PHF3: variants seen among roughly 807,000 people sequenced by gnomAD.
PHF3 encodes the protein PHD finger protein 3.
In PHF3, 41 loss-of-function variants were observed where a neutral mutation model predicts 178.4. That is an observed-to-expected ratio of 0.23 (90% CI 0.18 to 0.30). PHF3 has a LOEUF of 0.30. Among genes scored for constraint, PHF3 ranks in the 10% least tolerant of loss-of-function variants. The pLI, the probability that PHF3 is intolerant of heterozygous loss-of-function variation, is 1.00. For missense variants in PHF3, 2,346 were observed against 2,398.1 expected (o/e 0.98, Z 0.45); for synonymous variants, 842 against 800.5 (o/e 1.05, Z -0.88).
chr6:63,703,591 A>C lies in PHF3; in HGVS notation c.3287A>C (p.Glu1096Ala), dbSNP rs1252864834. 2 of 1,613,248 alleles carry C rather than the reference A, an allele frequency of 1.2e-6. No individual in the cohort carries two copies. Among genetic ancestry groups the C allele is most frequent in the Non-Finnish European group, 1.7e-6 (2 of 1,179,706 alleles). The change falls in exon 11 of 16, where the codon GAG becomes GCG. Residue 1096 changes from glutamate (E) to alanine (A), a missense_variant. Physicochemically the swap from Glu to Ala is moderately radical, Grantham distance 107 (BLOSUM62 -1). Around this residue, in one of 8 missense-constraint regions of PHF3, gnomAD observed 205 missense variants for 212.4 expected, o/e 0.97. Coordinates refer to ENST00000262043, the MANE Select transcript of PHF3 (RefSeq NM_001370348.2). ...CCAGAAGGATCTGAAAAACAAAAAG[A>C]GGAGGTTGACTCTATGTCTAAAGAT... is the stretch of plus-strand genomic sequence containing the variant. The part of the protein sequence containing the change: ...EKPEGSEKQK[E>A]EVDSMSKDTT...
At chr6:63,663,938 A>C (rs1011614154) in intron 2 of PHF3, among the ~76,000 whole-genome samples, 1 of 152,184 alleles carries the variant, frequency 6.6e-6, no homozygotes, top group Non-Finnish European at 1.5e-5. Context: ...GTATCTTGAA[A>C]GTTGTATGTT....
At chr6:63,642,912 GT>G (rs891713436) in intron 1 of PHF3, among the ~76,000 whole-genome samples, 14 of 152,144 alleles carry the variant, frequency 9.2e-5, no homozygotes, top group East Asian at 5.8e-4. Flanking sequence ...TCTTAGATTA[GT>G]TTTTTTAAGA....
chr6:63,641,911 AGC>A (rs750224675), intron 1 of PHF3, among the ~76,000 whole-genome samples: 5 of 152,096 alleles, frequency 3.3e-5, no homozygotes, highest in Non-Finnish European at 7.4e-5. Flanking sequence ...TACAGGTGTG[AGC>A]CATGGCGCCC....
intron 6 of PHF3, among the ~76,000 whole-genome samples, chr6:63,695,627 C>G (rs1170356545): frequency 6.6e-6 from 1 of 152,024 alleles, no homozygotes; most frequent in Non-Finnish European, 1.5e-5. Flanking sequence ...TCTGGTTGCT[C>G]TGTACAGTTT....
At chr6:63,700,230 A>G in intron 8 of PHF3, 120 bp from the exon 9 acceptor site, 2 of 538,388 alleles carry the variant, frequency 3.7e-6, no homozygotes, top group East Asian at 6.1e-5. Flanking sequence ...TAGGTAATAT[A>G]TAAATAATTA....
Position 63,691,725 on chromosome 6 carries a change from T to C in PHF3, c.2190-12T>C. 6.4e-7 allele frequency: 1 copy of C among 1,550,528 alleles called. No homozygotes were observed. Among genetic ancestry groups the C allele is most frequent in the South Asian group, 1.2e-5 (1 of 82,356 alleles). ...AAAAGGGATAAAAGTTTTTTGGTGT[T>C]CTGTTTTCCAGGTTTATGGTTGGCT... On this transcript the variant is annotated splice_polypyrimidine_tract_variant and intron_variant, in intron 4 of 15. Transcript: ENST00000262043.
In PHF3 at chr6:63,711,690, C is replaced by G; in HGVS notation, c.4102C>G (p.Pro1368Ala). The G allele has an allele frequency of 6.2e-7, 1 of 1,613,898 alleles. No individual in the cohort carries two copies. Among genetic ancestry groups the G allele is most frequent in the East Asian group, 2.2e-5 (1 of 44,878 alleles). Reference sequence around the variant, plus strand: ...TAGTACTAGTCATATAGCTGAGACTCCTGAAAGTGCACCACCAATAGCATT... The same window carrying G: ...TAGTACTAGTCATATAGCTGAGACTGCTGAAAGTGCACCACCAATAGCATT... ...CASTSHIAET[P>A]ESAPPIALPP... The change falls in exon 16 of 16, where the codon CCT becomes GCT. Residue 1368 changes from proline (P) to alanine (A), a missense_variant. Physicochemically the swap from Pro to Ala is conservative, Grantham distance 27. This residue lies in a region of PHF3 where 839 missense variants were observed against 806.9 expected (regional missense o/e 1.04). Coordinates refer to ENST00000262043, the MANE Select transcript of PHF3 (RefSeq NM_001370348.2).
chr6:63,660,216 T>C (rs1044991820), intron 2 of PHF3, among the ~76,000 whole-genome samples: 2 of 152,104 alleles, frequency 1.3e-5, no homozygotes, highest in African/African-American at 4.8e-5. Flanking sequence ...CCAGTGATTT[T>C]GTTAATCTTG....
rs555361500 is a variant in PHF3, at chr6:63,718,426, A to T, written c.*4718A>T. Among the ~76,000 whole-genome samples, 1 of 152,056 alleles carries T rather than the reference A, an allele frequency of 6.6e-6. No individual in the cohort carries two copies. The highest frequency in any genetic ancestry group is 1.5e-5 in the Non-Finnish European group (1 of 67,942). On this transcript the variant is annotated 3_prime_UTR_variant, in exon 16 of 16. Transcript: ENST00000262043. ...ATTATTTAGCATACTAGAAAATCAAATGATAAACGTTAAAAATATTTGTTA... is the reference window on the plus strand; with the variant it reads ...ATTATTTAGCATACTAGAAAATCAATTGATAAACGTTAAAAATATTTGTTA...
Position 63,713,231 on chromosome 6 carries a change from G to T in PHF3, c.5643G>T (p.Pro1881=), listed in dbSNP as rs772305199. ...PLSQASRYIG[P]QNFYQVKDIR... is the part of the protein sequence containing the mutation. ...CACAAGCATCAAGGTATATAGGCCC[G>T]CAGAATTTTTACCAGGTTAAAGACA... The change falls in exon 16 of 16, where the codon CCG becomes CCT. Residue 1881 remains proline (P), a synonymous_variant. Coordinates refer to ENST00000262043, the MANE Select transcript of PHF3 (RefSeq NM_001370348.2). 1.1e-5 allele frequency: 17 copies of T among 1,613,960 alleles called. 1 individual carries two copies. Among genetic ancestry groups the T allele is most frequent in the Non-Finnish European group, 1.4e-5 (17 of 1,179,946 alleles).
rs550554796 is a variant in PHF3, at chr6:63,660,038, T to TTG, written c.244+13257_244+13258dup. Among the ~76,000 whole-genome samples, 1,092 of 152,010 alleles carry TTG rather than the reference T, an allele frequency of 7.2e-3. 4 individuals carry two copies. The highest frequency in any genetic ancestry group is 1.0e-2 in the Non-Finnish European group (679 of 67,928). ...GCAAGATTAGGATGTTATTTTGTTT[T>TTG]TGTGTGTGTGTGTGTTTCTTTTTAG... is the stretch of plus-strand genomic sequence containing the variant. On this transcript the variant is annotated intron_variant, in intron 2 of 15. Transcript: ENST00000262043.
At chr6:63,671,484 G>T (rs1765914272) in intron 2 of PHF3, among the ~76,000 whole-genome samples, 1 of 152,136 alleles carries the variant, frequency 6.6e-6, no homozygotes, top group African/African-American at 2.4e-5. Flanking sequence ...GGTGGCAGAG[G>T]TCATGGTTTA....
rs200462475 is a variant in PHF3, at chr6:63,691,721, G to C, written c.2190-16G>C. On this transcript the variant is annotated splice_polypyrimidine_tract_variant and intron_variant, in intron 4 of 15. Coordinates refer to ENST00000262043, the MANE Select transcript of PHF3 (RefSeq NM_001370348.2). ...TAAAAAAAGGGATAAAAGTTTTTTG[G>C]TGTTCTGTTTTCCAGGTTTATGGTT... 5.4e-5 allele frequency: 83 copies of C among 1,534,508 alleles called. No individual in the cohort carries two copies. In the East Asian group the frequency reaches 1.8e-3, roughly 34 times the overall value.
rs1380398028 is a variant in PHF3 at position 63,674,969 on chromosome 6, T to G, written c.245-5031T>G. ...TCTATTGTTGAGCAGTGCAATAAAT[T>G]TAACTCTGAATGGTTTTTATTCTCT... On this transcript the variant is annotated intron_variant, in intron 2 of 15. Coordinates refer to ENST00000262043, the MANE Select transcript of PHF3 (RefSeq NM_001370348.2). 2.6e-5 allele frequency among the ~76,000 whole-genome samples: 4 copies of G among 152,220 alleles called. No homozygotes were observed. The East Asian group carries it at 5.8e-4, about 22-fold the overall frequency.
chr6:63,724,772 G>T lies in PHF3; in HGVS notation c.*11064G>T, dbSNP rs1441174750. On this transcript the variant is annotated 3_prime_UTR_variant, in exon 16 of 16. Coordinates refer to ENST00000262043, the MANE Select transcript of PHF3 (RefSeq NM_001370348.2). Reference sequence around the variant, plus strand: ...ACCTCTAAAGAGATACAGAAACCATGTTAATTTAGAATTTGGTTTTCAATA... The same window carrying T: ...ACCTCTAAAGAGATACAGAAACCATTTTAATTTAGAATTTGGTTTTCAATA... 6.6e-6 allele frequency among the ~76,000 whole-genome samples: 1 copy of T among 152,052 alleles called. No homozygotes were observed. The highest frequency in any genetic ancestry group is 1.9e-4 in the East Asian group (1 of 5,200).
chr6:63,647,559 C>G (rs1296777412), intron 2 of PHF3, among the ~76,000 whole-genome samples: 2 of 151,148 alleles, frequency 1.3e-5, no homozygotes, highest in Non-Finnish European at 1.5e-5. Context: ...TTTTTTTTGC[C>G]TTTTTAAAAG....
At chr6:63,693,444 C>T (rs764560482) in intron 5 of PHF3, among the ~76,000 whole-genome samples, 5 of 152,030 alleles carry the variant, frequency 3.3e-5, no homozygotes, top group African/African-American at 4.8e-5. Flanking sequence ...GGTGAAACCC[C>T]GTCTCTACTA....
chr6:63,687,989 C>T (rs763127096), intron 4 of PHF3, among the ~76,000 whole-genome samples: 26 of 152,054 alleles, frequency 1.7e-4, no homozygotes, highest in Middle Eastern at 6.8e-3. Context: ...TTAAAGCCTT[C>T]CTGGCTAACA....
rs1768256766 is a variant in PHF3, at chr6:63,718,473, G to GTTATTATAATGTATA, written c.*4766_*4767insTATTATAATGTATAT. Among the ~76,000 whole-genome samples, 1 of 151,978 alleles carries GTTATTATAATGTATA rather than the reference G, an allele frequency of 6.6e-6. No homozygotes were observed. The highest frequency in any genetic ancestry group is 1.5e-5 in the Non-Finnish European group (1 of 67,914). The stretch of plus-strand genomic sequence containing the variant: ...GTTAATGATAATCTCATCTGTTAAT[G>GTTATTATAATGTATA]TAACATTTATATAAAAGTTAACTTC... On this transcript the variant is annotated 3_prime_UTR_variant, in exon 16 of 16. Transcript: ENST00000262043.
Sources: gnomAD v4.1 joint callset for allele counts (sites outside exome capture counted in the v4.1 genomes callset) on GRCh38, gnomAD v4.1.1 for gene constraint, gnomAD v4.1.1 regional missense constraint, MANE v1.5 for transcripts, NCBI Gene and HGNC (gene_info 2026-07-23, HGNC 2026-07-21) for gene names.